The following FAF1 variants were observed in gnomAD, a reference collection of about 807,000 sequenced individuals.
FAF1 encodes the protein FAS-associated factor 1.
In FAF1, 25 loss-of-function variants were observed where a neutral mutation model predicts 92.5. The ratio of observed to expected loss-of-function variants is 0.27; its 90% CI spans 0.20 to 0.38. The LOEUF (loss-of-function observed/expected upper bound fraction) is 0.38, where lower values mean the gene tolerates loss of function less well. FAF1 is among the 10% of genes least tolerant of loss of function. FAF1 has a pLI of 1.00. For missense variants in FAF1, 636 were observed against 793.3 expected, an observed-to-expected ratio of 0.80 and a Z score of 2.38; for synonymous variants, 234 against 273.2, an observed-to-expected ratio of 0.86 and a Z score of 1.42.
intron 13 of FAF1, among the ~76,000 whole-genome samples, chr1:50,556,856 T>TAAA (rs59066916): frequency 0.01 from 1,513 of 151,256 alleles, 21 homozygotes; most frequent in African/African-American, 0.035. Context: ...AATAAAATAA[T>TAAA]ATAAAATAAA....
intron 1 of FAF1, among the ~76,000 whole-genome samples, chr1:50,944,496 T>C (rs181561326): frequency 1.3e-5 from 2 of 152,316 alleles, no homozygotes; most frequent in African/African-American, 4.8e-5. Flanking sequence ...CCAGCAGCTA[T>C]AACTTCACCT....
intron 8 of FAF1, among the ~76,000 whole-genome samples, chr1:50,629,757 A>G (rs2124203987): frequency 6.6e-6 from 1 of 152,164 alleles, no homozygotes; most frequent in East Asian, 1.9e-4. Context: ...TAACGTGAAG[A>G]TTAAAGATAA....
chr1:50,796,319 C>T (rs1039808221), intron 3 of FAF1, among the ~76,000 whole-genome samples: 17 of 152,280 alleles, frequency 1.1e-4, no homozygotes, highest in East Asian at 7.7e-4. Flanking sequence ...TTTGTTTTAG[C>T]ATCAACCACT....
chr1:50,449,624 G>T (rs1405891597), intron 18 of FAF1, among the ~76,000 whole-genome samples: 1 of 150,854 alleles, frequency 6.6e-6, no homozygotes, highest in Admixed American at 6.6e-5. Flanking sequence ...CAAATAGTTG[G>T]GACTACAGGC....
chr1:50,741,599 G>C (rs1192428537), intron 5 of FAF1, among the ~76,000 whole-genome samples: 1 of 152,242 alleles, frequency 6.6e-6, no homozygotes, highest in Non-Finnish European at 1.5e-5. Context: ...TATTGCTCCA[G>C]ACAAGAGATG....
chr1:50,737,075 G>A (rs987286978), intron 6 of FAF1, among the ~76,000 whole-genome samples: 1 of 152,082 alleles, frequency 6.6e-6, no homozygotes, highest in East Asian at 1.9e-4. Context: ...CTCCCACTAT[G>A]TTTTTTGTTC....
intron 6 of FAF1, among the ~76,000 whole-genome samples, chr1:50,717,860 G>T (rs1015456925): frequency 6.6e-6 from 1 of 151,910 alleles, no homozygotes; most frequent in Non-Finnish European, 1.5e-5. Context: ...TAAAACAATT[G>T]TATGTTTATT....
At position 50,575,751 on chromosome 1, in the gene FAF1, G is replaced by A. The variant is rs187033108; in HGVS notation, c.1113+6867C>T. 2.0e-5 allele frequency among the ~76,000 whole-genome samples: 3 copies of A among 152,282 alleles called. No individual in the cohort carries two copies. In the East Asian group the frequency reaches 5.8e-4, roughly 29 times the overall value. On this transcript the variant is annotated intron_variant, in intron 12 of 18. Coordinates refer to ENST00000396153, the MANE Select transcript of FAF1 (RefSeq NM_007051.3). ...AAAAATAACACAGACAAGATAAGCAGACTGGGCATATTTTCCAAAGCACAA... is the reference window on the plus strand; with the variant it reads ...AAAAATAACACAGACAAGATAAGCAAACTGGGCATATTTTCCAAAGCACAA...
At chr1:50,617,317 T>C (rs992385274) in intron 8 of FAF1, among the ~76,000 whole-genome samples, 1 of 152,202 alleles carries the variant, frequency 6.6e-6, no homozygotes, top group African/African-American at 2.4e-5. Flanking sequence ...TTGAGATATG[T>C]TCCTTCAATG....
At chr1:50,515,136 T>C (rs1157846544) in intron 15 of FAF1, among the ~76,000 whole-genome samples, 2 of 152,202 alleles carry the variant, frequency 1.3e-5, no homozygotes, top group East Asian at 1.9e-4. Flanking sequence ...TCATTAGTTG[T>C]ATGAGATACA....
At chr1:50,619,961 T>C (rs1486287073) in intron 8 of FAF1, among the ~76,000 whole-genome samples, 1 of 148,280 alleles carries the variant, frequency 6.7e-6, no homozygotes, top group Non-Finnish European at 1.5e-5. Flanking sequence ...CAGGCTGGAG[T>C]GCAATGGCAC....
At chr1:50,931,906 TA>T (rs1645051141) in intron 1 of FAF1, among the ~76,000 whole-genome samples, 1 of 139,256 alleles carries the variant, frequency 7.2e-6, no homozygotes, top group African/African-American at 2.5e-5. Context: ...ATAATAATAA[TA>T]ATAATAATAA....
chr1:50,859,721 A>G (rs940059224), intron 1 of FAF1, among the ~76,000 whole-genome samples: 3 of 151,992 alleles, frequency 2.0e-5, no homozygotes, highest in African/African-American at 7.2e-5. Flanking sequence ...TCAAACTACC[A>G]ATGTTATTTG....
intron 2 of FAF1, among the ~76,000 whole-genome samples, chr1:50,842,463 A>T (rs1557554149): frequency 6.6e-6 from 1 of 152,152 alleles, no homozygotes; most frequent in Non-Finnish European, 1.5e-5. Context: ...TACTGAAAAA[A>T]TCATTTTTGG....
intron 1 of FAF1, among the ~76,000 whole-genome samples, chr1:50,910,040 T>C (rs568726967): frequency 1.3e-5 from 2 of 152,336 alleles, no homozygotes; most frequent in East Asian, 1.9e-4. Context: ...TTTGATGATG[T>C]TGACGTACAG....
chr1:50,886,704 G>A (rs1315440734), intron 1 of FAF1, among the ~76,000 whole-genome samples: 2 of 152,164 alleles, frequency 1.3e-5, no homozygotes, highest in Non-Finnish European at 2.9e-5. Flanking sequence ...CAAAGGACAT[G>A]AACTCATCCT....
At chr1:50,710,228 G>C (rs1451341004) in intron 6 of FAF1, among the ~76,000 whole-genome samples, 1 of 152,100 alleles carries the variant, frequency 6.6e-6, no homozygotes, top group Non-Finnish European at 1.5e-5. Flanking sequence ...TCTTGATCTT[G>C]ACTGGCAGAC....
At chr1:50,457,795 T>C (rs890436426) in intron 18 of FAF1, among the ~76,000 whole-genome samples, 2 of 134,208 alleles carry the variant, frequency 1.5e-5, no homozygotes, top group Non-Finnish European at 3.1e-5. Context: ...TCCCAGCTAC[T>C]GGGGAGGTTG....
chr1:50,704,410 C>T lies in FAF1; in HGVS notation c.657+1376G>A, dbSNP rs569718700. The stretch of plus-strand genomic sequence containing the variant: ...TCAAGTCAGCAATAAAATGAATTTA[C>T]CTCTTATCTTTGTCATGTTGGTTAA... On this transcript the variant is annotated intron_variant, in intron 7 of 18. Transcript: ENST00000396153. Among the ~76,000 whole-genome samples, 3 of 152,140 alleles carry T rather than the reference C, an allele frequency of 2.0e-5. No individual in the cohort carries two copies. In the South Asian group the frequency reaches 6.2e-4, roughly 32 times the overall value.
Sources: allele counts gnomAD v4.1 joint callset (sites outside exome capture counted in the v4.1 genomes callset), GRCh38; gene constraint gnomAD v4.1.1; transcripts MANE v1.5; gene names NCBI Gene and HGNC (gene_info 2026-07-23, HGNC 2026-07-21).